The following DSCAML1 variants were observed in gnomAD, a reference collection of about 807,000 sequenced individuals.
DSCAML1 encodes cell adhesion molecule DSCAML1.
DSCAML1 carries 38 observed loss-of-function variants against 200.5 expected under a neutral mutation model. That is an observed-to-expected ratio of 0.19 (90% CI 0.15 to 0.25). DSCAML1 has a LOEUF of 0.25. DSCAML1 is among the 10% of genes least tolerant of loss of function. DSCAML1 has a pLI of 1.00. For missense variants in DSCAML1, 2,223 were observed against 2,858.8 expected, an observed-to-expected ratio of 0.78 and a Z score of 5.07; for synonymous variants, 1,215 against 1,165.0, an observed-to-expected ratio of 1.04 and a Z score of -0.87.
rs2137386294 is a variant in DSCAML1 at position 117,548,920 on chromosome 11, TC to T, written c.512-16399del. Among the ~76,000 whole-genome samples, 3 of 152,346 alleles carry T rather than the reference TC, an allele frequency of 2.0e-5. No homozygotes were observed. The South Asian group carries it at 6.2e-4, about 32-fold the overall frequency. ...TGGGCTCATTTCTGTCTCTGCTTTT[TC>T]ATGCCTTGGTAATAATGGGGTGCTT... is the stretch of plus-strand genomic sequence containing the variant. On this transcript the variant is annotated intron_variant, in intron 3 of 32. Coordinates refer to ENST00000651296, the MANE Select transcript of DSCAML1 (RefSeq NM_020693.4).
At chr11:117,649,020 G>A (rs1328004781) in intron 3 of DSCAML1, among the ~76,000 whole-genome samples, 2 of 135,682 alleles carry the variant, frequency 1.5e-5, no homozygotes, top group African/African-American at 5.5e-5. Context: ...TCTCCCTCTC[G>A]CTCTCTCTCT....
Position 117,442,115 on chromosome 11 carries a change from ATG to A in DSCAML1, c.3862+1769_3862+1770del, listed in dbSNP as rs201357202. Among the ~76,000 whole-genome samples, 1,109 of 149,890 alleles carry A rather than the reference ATG, an allele frequency of 7.4e-3. 7 individuals carry two copies. The highest frequency in any genetic ancestry group is 0.026 in the African/African-American group (1,067 of 41,270). ...GTGAGTGCATGTTGTGTATGTGCAT[ATG>A]TGAGTGTGCACGTGTATGCATGTGT... On this transcript the variant is annotated intron_variant, in intron 21 of 32. Transcript: ENST00000651296.
At position 117,577,507 on chromosome 11, in the gene DSCAML1, C is replaced by CTCCT. The variant is rs766326528; in HGVS notation, c.512-44989_512-44986dup. On this transcript the variant is annotated intron_variant, in intron 3 of 32. Transcript: ENST00000651296. ...CTTCCTTCCTTCCTTCCTTCCTTCC[C>CTCCT]TCCTTCCTTCCTTCCTTCCTTCCTT... Among the ~76,000 whole-genome samples the CTCCT allele has an allele frequency of 2.5e-4, 8 of 32,418 alleles. No homozygotes were observed. In the South Asian group the frequency reaches 3.7e-3, roughly 15 times the overall value. 21.3% of individuals were successfully genotyped at this position (32,418 alleles called of 152,430 possible). A position where few individuals can be genotyped will look rare whatever the true frequency, so the allele number is the denominator to read the frequency against.
At chr11:117,811,875 T>C (rs2055764242) in intron 1 of DSCAML1, among the ~76,000 whole-genome samples, 1 of 152,176 alleles carries the variant, frequency 6.6e-6, no homozygotes, top group African/African-American at 2.4e-5. Flanking sequence ...CCACATTACC[T>C]TCTTTTCAAA....
intron 3 of DSCAML1, among the ~76,000 whole-genome samples, chr11:117,604,854 G>C (rs1476601698): frequency 6.6e-6 from 1 of 152,202 alleles, no homozygotes; most frequent in Non-Finnish European, 1.5e-5. Context: ...AACGGGGCCT[G>C]TCTGGGATCC....
chr11:117,583,613 T>C (rs996990587), intron 3 of DSCAML1, among the ~76,000 whole-genome samples: 2 of 152,162 alleles, frequency 1.3e-5, no homozygotes, highest in Non-Finnish European at 2.9e-5. Context: ...CCTCTCCCTG[T>C]GCAGGTCTGC....
intron 3 of DSCAML1, among the ~76,000 whole-genome samples, chr11:117,603,624 A>G (rs1208747964): frequency 1.3e-5 from 2 of 152,238 alleles, no homozygotes; most frequent in African/African-American, 4.8e-5. Flanking sequence ...GGCTAATGTC[A>G]TAAAGGTAAT....
intron 20 of DSCAML1, among the ~76,000 whole-genome samples, chr11:117,447,538 ATTCTT>A (rs2048204871): frequency 6.6e-6 from 1 of 152,266 alleles, no homozygotes; most frequent in Non-Finnish European, 1.5e-5. Flanking sequence ...TTTCCTCTCT[ATTCTT>A]TTATATGTTT....
chr11:117,433,366 A>G, intron 28 of DSCAML1, 75 bp downstream of exon 28: 2 of 1,591,666 alleles, frequency 1.3e-6, no homozygotes, highest in Middle Eastern at 1.7e-4. Context: ...CTGGGAGTTC[A>G]GAGCGAGGCT....
chr11:117,574,422 T>C (rs2050897866), intron 3 of DSCAML1, among the ~76,000 whole-genome samples: 1 of 152,196 alleles, frequency 6.6e-6, no homozygotes. Flanking sequence ...TGAGCTGTCA[T>C]GGTTTGGACT....
At chr11:117,540,823 C>T (rs2050254655) in intron 3 of DSCAML1, among the ~76,000 whole-genome samples, 1 of 150,714 alleles carries the variant, frequency 6.6e-6, no homozygotes, top group Admixed American at 6.6e-5. Flanking sequence ...CACATGTACC[C>T]TGGAACTTAA....
chr11:117,810,501 C>A (rs2055752472), intron 1 of DSCAML1, among the ~76,000 whole-genome samples: 1 of 152,076 alleles, frequency 6.6e-6, no homozygotes, highest in South Asian at 2.1e-4. Flanking sequence ...GAAACCCCCA[C>A]CCCCTTCTCC....
rs750531999 is a variant in DSCAML1, at chr11:117,432,522, A to G, written c.5027-18T>C. On this transcript the variant is annotated intron_variant, in intron 29 of 32. Coordinates refer to ENST00000651296, the MANE Select transcript of DSCAML1 (RefSeq NM_020693.4). The stretch of plus-strand genomic sequence containing the variant: ...GTCATCTCCTGGGGAAAGAAGGACA[A>G]TTACTGGGAGTCCTTTACAATTGTT... 1.2e-6 allele frequency: 2 copies of G among 1,610,884 alleles called. No homozygotes were observed. The highest frequency in any genetic ancestry group is 1.1e-5 in the South Asian group (1 of 90,356).
chr11:117,760,156 T>G (rs2054774293), intron 3 of DSCAML1, among the ~76,000 whole-genome samples: 1 of 152,172 alleles, frequency 6.6e-6, no homozygotes. Context: ...TTGCACATGG[T>G]GTTGAAATGG....
At chr11:117,707,420 G>A (rs1398837120) in intron 3 of DSCAML1, among the ~76,000 whole-genome samples, 1 of 152,144 alleles carries the variant, frequency 6.6e-6, no homozygotes, top group Admixed American at 6.5e-5. Context: ...CCTCCCACAG[G>A]GGCTGCTTTG....
intron 19 of DSCAML1, among the ~76,000 whole-genome samples, chr11:117,458,402 C>T (rs2048415485): frequency 6.6e-6 from 1 of 152,150 alleles, no homozygotes; most frequent in African/African-American, 2.4e-5. Flanking sequence ...TTCCCCTAGC[C>T]CCAGCGTGTA....
chr11:117,575,846 CCAAAACAAAACAAAACAAAA>C (rs36226708), intron 3 of DSCAML1, among the ~76,000 whole-genome samples: 108 of 150,432 alleles, frequency 7.2e-4, no homozygotes, highest in Admixed American at 2.4e-3. Flanking sequence ...CAAAAACAAC[CCAAAACAAAACAAAACAAAA>C]CAAAACAAAA....
chr11:117,672,561 C>T (rs1490402489), intron 3 of DSCAML1, among the ~76,000 whole-genome samples: 1 of 152,200 alleles, frequency 6.6e-6, no homozygotes, highest in Admixed American at 6.5e-5. Context: ...GAAACAGTTC[C>T]CAGCGACGCA....
intron 3 of DSCAML1, among the ~76,000 whole-genome samples, chr11:117,577,031 C>A (rs1348463600): frequency 1.3e-5 from 2 of 152,154 alleles, no homozygotes; most frequent in African/African-American, 4.8e-5. Context: ...TCATACCCAC[C>A]CCAATGCCCC....
Sources: allele counts gnomAD v4.1 joint callset (sites outside exome capture counted in the v4.1 genomes callset), GRCh38; gene constraint gnomAD v4.1.1; transcripts MANE v1.5; gene names NCBI Gene and HGNC (gene_info 2026-07-23, HGNC 2026-07-21).